The following CELA2B variants were observed in gnomAD, a reference collection of about 807,000 sequenced individuals.
CELA2B encodes chymotrypsin like elastase 2B.
CELA2B carries 27 observed loss-of-function variants against 36.5 expected under a neutral mutation model. The observed-to-expected ratio is 0.74, with a 90% CI of 0.55 to 1.02. CELA2B has a LOEUF of 1.02. Ranked by LOEUF, CELA2B falls within the 50% of genes least tolerant of loss-of-function variation. The pLI, the probability that CELA2B is intolerant of heterozygous loss-of-function variation, is 0.00. For synonymous variants in CELA2B, 143 were observed against 148.5 expected (o/e 0.96, Z 0.27); for missense variants, 340 against 347.8 (o/e 0.98, Z 0.18).
intron 4 of CELA2B, among the ~76,000 whole-genome samples, chr1:15,482,923 C>T (rs574528317): frequency 2.1e-5 from 3 of 142,942 alleles, no homozygotes; most frequent in East Asian, 2.1e-4. Flanking sequence ...GTAGCTGGGA[C>T]TACAAGTGCC....
chr1:15,482,871 C>T (rs571199686), intron 4 of CELA2B, among the ~76,000 whole-genome samples: 35 of 152,260 alleles, frequency 2.3e-4, no homozygotes, highest in Admixed American at 5.2e-4. Context: ...CTGCAAGCTC[C>T]GCCTCCTGGG....
intron 2 of CELA2B, among the ~76,000 whole-genome samples, chr1:15,478,811 C>T (rs1708705205): frequency 1.3e-5 from 2 of 152,116 alleles, no homozygotes; most frequent in Admixed American, 6.6e-5. Context: ...AGGTGATCCA[C>T]CTGCCTCGGC....
chr1:15,487,146 A>G, intron 6 of CELA2B, 139 bp from the exon 7 acceptor site: 1 of 747,896 alleles, frequency 1.3e-6, no homozygotes, highest in Non-Finnish European at 2.3e-6. Context: ...TTATGGTACC[A>G]CCTTGAGCTA....
chr1:15,478,218 T>C (rs934543563), intron 2 of CELA2B, among the ~76,000 whole-genome samples: 1 of 39,140 alleles, frequency 2.6e-5, no homozygotes, highest in Non-Finnish European at 4.9e-5. Flanking sequence ...ATATATATAT[T>C]GGGATATATA....
intron 4 of CELA2B, among the ~76,000 whole-genome samples, chr1:15,482,777 TTTTTC>T (rs1708758228): frequency 6.6e-6 from 1 of 152,164 alleles, no homozygotes; most frequent in Non-Finnish European, 1.5e-5. Flanking sequence ...CGCATTTTCT[TTTTTC>T]TTTTCCTTTT....
Position 15,478,379 on chromosome 1 carries a change from G to A in CELA2B, c.129+1834G>A, listed in dbSNP as rs141422411. Among the ~76,000 whole-genome samples the A allele has an allele frequency of 5.4e-3, 817 of 150,592 alleles. 2 individuals carry two copies. Among genetic ancestry groups the A allele is most frequent in the African/African-American group, 0.019 (779 of 40,942 alleles). On this transcript the variant is annotated intron_variant, in intron 2 of 7. Transcript: ENST00000375910. ...CTGCCTCAGCCTCTGTAGTAGCTGG[G>A]ATTACAGGCACGCACCACCATGCCC... is the stretch of plus-strand genomic sequence containing the variant.
At chr1:15,481,523 A>G (rs1170138657) in intron 3 of CELA2B, 1 of 527,984 alleles carries the variant, frequency 1.9e-6, no homozygotes, top group Non-Finnish European at 3.7e-6. Flanking sequence ...TGACTTCTCA[A>G]AGCTTCAATA....
chr1:15,476,435 A>G, intron 1 of CELA2B, 22 bp from the exon 2 acceptor site: 1 of 1,611,886 alleles, frequency 6.2e-7, no homozygotes, highest in Non-Finnish European at 8.5e-7. Flanking sequence ...TCCTGGACTC[A>G]AGACCCTTTC....
intron 7 of CELA2B, among the ~76,000 whole-genome samples, chr1:15,488,896 T>G (rs1428712454): frequency 6.6e-6 from 1 of 152,206 alleles, no homozygotes; most frequent in African/African-American, 2.4e-5. Flanking sequence ...GCTGGCATCC[T>G]TTTGCCAACA....
chr1:15,490,102 G>C (rs1051932907), intron 7 of CELA2B, among the ~76,000 whole-genome samples: 7 of 152,122 alleles, frequency 4.6e-5, no homozygotes, highest in African/African-American at 1.7e-4. Context: ...TCAAACTCCT[G>C]ACCTCAGGTG....
At chr1:15,486,487 C>G (rs1368990574) in intron 6 of CELA2B, among the ~76,000 whole-genome samples, 1 of 152,006 alleles carries the variant, frequency 6.6e-6, no homozygotes, top group Non-Finnish European at 1.5e-5. Flanking sequence ...AAAAACCTGA[C>G]CTTGTTCTTG....
chr1:15,480,281 C>T (rs1272225425), intron 2 of CELA2B, among the ~76,000 whole-genome samples: 1 of 152,144 alleles, frequency 6.6e-6, no homozygotes, highest in Non-Finnish European at 1.5e-5. Context: ...GCAATCGCAG[C>T]TCACTGCAAG....
chr1:15,491,178 TG>T, intron 7 of CELA2B, 116 bp from the exon 8 acceptor site: 1 of 1,144,564 alleles, frequency 8.7e-7, no homozygotes, highest in Non-Finnish European at 1.3e-6. Context: ...TACTGTAGTG[TG>T]GGCTGCCTGT....
chr1:15,487,165 A>G (rs1708814165), intron 6 of CELA2B, 120 bp from the exon 7 acceptor site: 1 of 920,818 alleles, frequency 1.1e-6, no homozygotes, highest in Non-Finnish European at 1.7e-6. Flanking sequence ...TATGACCACA[A>G]GGACCAGCTT....
At chr1:15,483,915 C>T (rs190834910) in intron 5 of CELA2B, among the ~76,000 whole-genome samples, 12 of 147,608 alleles carry the variant, frequency 8.1e-5, no homozygotes, top group East Asian at 2.0e-4. Flanking sequence ...GGGGATAGAG[C>T]GAGACTCCAT....
At chr1:15,482,682 A>T (rs1056547719) in intron 4 of CELA2B, among the ~76,000 whole-genome samples, 10 of 152,116 alleles carry the variant, frequency 6.6e-5, no homozygotes, top group Non-Finnish European at 1.3e-4. Context: ...AGTCCTGGGG[A>T]CACAGAGACA....
rs757343753 is a variant in CELA2B at position 15,482,285 on chromosome 1, T to G, written c.248T>G (p.Val83Gly). ...HCISSSGIYR[V>G]MLGQHNLYVA... Reference sequence around the variant, plus strand: ...CCCAGCTCCTCCGGGATCTACCGCGTGATGCTGGGCCAGCATAACCTCTAC... The same window carrying G: ...CCCAGCTCCTCCGGGATCTACCGCGGGATGCTGGGCCAGCATAACCTCTAC... The change falls in exon 4 of 8, where the codon GTG (valine) becomes GGG (glycine). Residue 83 changes from valine to glycine, a missense_variant. Val to Gly is a moderately radical substitution (Grantham distance 109, BLOSUM62 -3). Coordinates refer to ENST00000375910, the MANE Select transcript of CELA2B (RefSeq NM_015849.3). The G allele has an allele frequency of 4.3e-6, 7 of 1,613,984 alleles. No homozygotes were observed. The highest frequency in any genetic ancestry group is 5.9e-6 in the Non-Finnish European group (7 of 1,179,930).
At chr1:15,481,340 A>T in intron 3 of CELA2B, 145 bp downstream of exon 3, 3 of 1,001,026 alleles carry the variant, frequency 3.0e-6, no homozygotes, top group South Asian at 2.7e-5. Flanking sequence ...GTAGTCAATC[A>T]ATGGTTCAGT....
rs1708824238 is a variant in CELA2B, at chr1:15,487,813, C to A, written c.792+376C>A. Among the ~76,000 whole-genome samples, 4 of 152,218 alleles carry A rather than the reference C, an allele frequency of 2.6e-5. No individual in the cohort carries two copies. In the South Asian group the frequency reaches 8.3e-4, roughly 31 times the overall value. On this transcript the variant is annotated intron_variant, in intron 7 of 7. Coordinates refer to ENST00000375910, the MANE Select transcript of CELA2B (RefSeq NM_015849.3). ...AAACCCAAAACCTGATACTTTGAGA[C>A]CCCCATAGCATTAATTATTGGAAAT...
Sources: allele counts gnomAD v4.1 joint callset (sites outside exome capture counted in the v4.1 genomes callset), GRCh38; gene constraint gnomAD v4.1.1; transcripts MANE v1.5; gene names NCBI Gene and HGNC (gene_info 2026-07-23, HGNC 2026-07-21).